SNX29: variants seen among roughly 807,000 people sequenced by gnomAD.
The protein encoded by SNX29 is sorting nexin 29.
A neutral mutation model predicts 102.1 loss-of-function variants in SNX29; 78 were observed. The ratio of observed to expected loss-of-function variants is 0.76; its 90% CI spans 0.64 to 0.92. The LOEUF (loss-of-function observed/expected upper bound fraction) is 0.92, where lower values mean the gene tolerates loss of function less well. Ranked by LOEUF, SNX29 falls within the 40% of genes least tolerant of loss-of-function variation. The pLI is 0.00. For missense variants in SNX29, 1,280 were observed against 1,061.7 expected (o/e 1.21, Z -2.86); for synonymous variants, 580 against 414.5 (o/e 1.40, Z -4.85).
chr16:12,261,206 G>C (rs575246628), intron 14 of SNX29, among the ~76,000 whole-genome samples: 1 of 142,680 alleles, frequency 7.0e-6, no homozygotes, highest in East Asian at 2.1e-4. Flanking sequence ...CTGTGCGTGC[G>C]TCCCTGGCTG....
intron 20 of SNX29, among the ~76,000 whole-genome samples, chr16:12,557,020 CCCCCCG>C (rs1262729603): frequency 5.4e-5 from 2 of 37,206 alleles, no homozygotes; most frequent in Non-Finnish European, 1.5e-4. Context: ...AATTTACCCC[CCCCCCG>C]CCCCAAGATG....
intron 20 of SNX29, among the ~76,000 whole-genome samples, chr16:12,559,638 C>G (rs1023207613): frequency 1.1e-4 from 16 of 152,054 alleles, no homozygotes; most frequent in Admixed American, 6.6e-5. Flanking sequence ...GCCCTGTATC[C>G]AAATGTAAGC....
intron 14 of SNX29, among the ~76,000 whole-genome samples, chr16:12,223,389 C>T (rs561234713): frequency 1.3e-5 from 2 of 152,054 alleles, no homozygotes; most frequent in Admixed American, 6.6e-5. Flanking sequence ...AGGCTTCGCA[C>T]GGTGGCTTAT....
chr16:12,034,148 G>A (rs896549046), intron 4 of SNX29, among the ~76,000 whole-genome samples: 1 of 152,172 alleles, frequency 6.6e-6, no homozygotes, highest in Non-Finnish European at 1.5e-5. Flanking sequence ...ATGGTTGATT[G>A]CACTCAAAGC....
intron 16 of SNX29, among the ~76,000 whole-genome samples, chr16:12,378,737 G>A (rs2082968723): frequency 6.6e-6 from 1 of 152,190 alleles, no homozygotes; most frequent in African/African-American, 2.4e-5. Flanking sequence ...GTGACCCAGA[G>A]ACCTGGGATA....
chr16:12,410,690 T>G (rs948289001), intron 18 of SNX29, among the ~76,000 whole-genome samples: 1 of 152,164 alleles, frequency 6.6e-6, no homozygotes, highest in Non-Finnish European at 1.5e-5. Flanking sequence ...CACTTGGGCC[T>G]CCCAAAGTGC....
intron 11 of SNX29, among the ~76,000 whole-genome samples, chr16:12,100,267 C>G (rs1433110070): frequency 6.6e-6 from 1 of 152,174 alleles, no homozygotes; most frequent in Non-Finnish European, 1.5e-5. Flanking sequence ...ATTGGATCAT[C>G]CTTGGCTGTC....
chr16:12,378,765 A>G (rs369668202), intron 16 of SNX29, among the ~76,000 whole-genome samples: 1 of 152,066 alleles, frequency 6.6e-6, no homozygotes, highest in East Asian at 1.9e-4. Context: ...AACCTGGTAC[A>G]TTTCTGCCTG....
intron 19 of SNX29, among the ~76,000 whole-genome samples, chr16:12,518,398 TG>T: frequency 6.6e-6 from 1 of 152,158 alleles, no homozygotes; most frequent in Non-Finnish European, 1.5e-5. Context: ...TCCTTCTGCC[TG>T]GGGGTTTCTT....
chr16:12,270,479 G>A (rs1043333870), intron 14 of SNX29, among the ~76,000 whole-genome samples: 7 of 152,030 alleles, frequency 4.6e-5, no homozygotes, highest in Non-Finnish European at 1.0e-4. Context: ...AAGTAAATCC[G>A]ATGTTGTGCT....
chr16:12,049,796 A>G (rs2050232540), intron 7 of SNX29, among the ~76,000 whole-genome samples: 1 of 150,968 alleles, frequency 6.6e-6, no homozygotes, highest in East Asian at 2.0e-4. Flanking sequence ...ATGTGTATAT[A>G]TGTAGAGACA....
chr16:12,493,454 C>G (rs1433497838), intron 19 of SNX29, among the ~76,000 whole-genome samples: 3 of 152,224 alleles, frequency 2.0e-5, no homozygotes, highest in Non-Finnish European at 4.4e-5. Flanking sequence ...ATGGGGTTTT[C>G]TAGATATACA....
chr16:12,133,857 G>A (rs1343626431), intron 13 of SNX29, among the ~76,000 whole-genome samples: 5 of 152,166 alleles, frequency 3.3e-5, no homozygotes, highest in African/African-American at 7.2e-5. Context: ...CTAAGTATGC[G>A]CTTGTGTATA....
chr16:12,006,598 C>A (rs1162372447), intron 3 of SNX29, among the ~76,000 whole-genome samples: 1 of 149,668 alleles, frequency 6.7e-6, no homozygotes, highest in Non-Finnish European at 1.5e-5. Context: ...GATTCCTAGT[C>A]CTCAGAAGGA....
At chr16:12,558,480 A>G (rs12928849) in intron 20 of SNX29, among the ~76,000 whole-genome samples, 31,878 of 152,146 alleles carry the variant, frequency 0.21, 3,483 homozygotes, top group East Asian at 0.43. Context: ...TTTAAAGTTA[A>G]GCACAGTGCA....
intron 14 of SNX29, among the ~76,000 whole-genome samples, chr16:12,240,585 CTTTTTT>C (rs1180028807): frequency 5.4e-3 from 350 of 64,758 alleles, no homozygotes; most frequent in African/African-American, 0.012. Flanking sequence ...TTTGTCATTT[CTTTTTT>C]TTTTTTTTTT....
At chr16:12,099,309 C>A (rs1039390894) in intron 11 of SNX29, among the ~76,000 whole-genome samples, 2 of 152,204 alleles carry the variant, frequency 1.3e-5, no homozygotes, top group African/African-American at 4.8e-5. Flanking sequence ...TTGTACTGCC[C>A]TTCTCCCTGA....
intron 18 of SNX29, among the ~76,000 whole-genome samples, chr16:12,468,089 A>G (rs1420730070): frequency 6.8e-6 from 1 of 146,936 alleles, no homozygotes; most frequent in Non-Finnish European, 1.5e-5. Context: ...CCCCTGTTAC[A>G]CGAGCCCCTG....
intron 14 of SNX29, among the ~76,000 whole-genome samples, chr16:12,233,482 A>T (rs921722628): frequency 6.6e-6 from 1 of 152,172 alleles, no homozygotes; most frequent in Admixed American, 6.5e-5. Context: ...TACCAGTTGG[A>T]TACTATGCTT....
Sources: allele counts gnomAD v4.1 joint callset (sites outside exome capture counted in the v4.1 genomes callset), GRCh38; gene constraint gnomAD v4.1.1; transcripts MANE v1.5; gene names NCBI Gene and HGNC (gene_info 2026-07-23, HGNC 2026-07-21).